Variants in NEDD4L observed in about 807,000 individuals in gnomAD.
NEDD4L encodes the protein NEDD4 like E3 ubiquitin protein ligase.
Under a neutral mutation model 148.9 loss-of-function variants are expected in NEDD4L, and 54 were observed. The ratio of observed to expected loss-of-function variants is 0.36; its 90% CI spans 0.29 to 0.45. The LOEUF is 0.45. Ranked by LOEUF, NEDD4L falls within the 20% of genes least tolerant of loss-of-function variation. The pLI is 1.00. For synonymous variants in NEDD4L, 433 were observed against 440.7 expected, an observed-to-expected ratio of 0.98 and a Z score of 0.22; for missense variants, 856 against 1,233.8, an observed-to-expected ratio of 0.69 and a Z score of 4.59.
intron 1 of NEDD4L, among the ~76,000 whole-genome samples, chr18:58,120,092 T>C (rs1206921228): frequency 6.6e-6 from 1 of 152,248 alleles, no homozygotes; most frequent in African/African-American, 2.4e-5. Context: ...CTCCAGTCTC[T>C]GGATCCCTTC....
At chr18:58,123,304 G>C (rs1360256599) in intron 1 of NEDD4L, among the ~76,000 whole-genome samples, 1 of 152,108 alleles carries the variant, frequency 6.6e-6, no homozygotes, top group Non-Finnish European at 1.5e-5. Context: ...ATCTCGTCCA[G>C]GTTAGCCTCT....
intron 16 of NEDD4L, among the ~76,000 whole-genome samples, chr18:58,343,711 T>C (rs1450448360): frequency 6.6e-6 from 1 of 152,248 alleles, no homozygotes; most frequent in African/African-American, 2.4e-5. Context: ...TCCTGAATTG[T>C]ACCCAAGAAA....
chr18:58,197,104 G>A (rs891962151), intron 2 of NEDD4L, among the ~76,000 whole-genome samples: 2 of 152,172 alleles, frequency 1.3e-5, no homozygotes, highest in African/African-American at 4.8e-5. Context: ...GTGGCATTGG[G>A]TCCCTGGATG....
chr18:58,386,261 C>G (rs2049005655), intron 26 of NEDD4L, among the ~76,000 whole-genome samples: 1 of 152,128 alleles, frequency 6.6e-6, no homozygotes. Context: ...CCATGTTGGC[C>G]AGGATGGTCT....
In NEDD4L at chr18:58,396,213, C is replaced by T; in HGVS notation, c.2872C>T (p.Arg958Ter). 1 of 1,613,592 alleles carries T rather than the reference C, an allele frequency of 6.2e-7. No homozygotes were observed. Among genetic ancestry groups the T allele is most frequent in the Non-Finnish European group, 8.5e-7 (1 of 1,179,656 alleles). ...LPPYETFEDLREKLLMAVENA... is the reference protein window; with the variant it reads ...LPPYETFEDL ...TCCATATGAAACCTTTGAAGATTTA[C>T]GAGAGAAACTTCTCATGGCCGTGGA... is the stretch of plus-strand genomic sequence containing the variant. The change falls in exon 31 of 31, where the codon CGA becomes TGA. Residue 958 changes from arginine to a stop codon, truncating the protein, a stop_gained. Coordinates refer to ENST00000400345, the MANE Select transcript of NEDD4L (RefSeq NM_001144967.3). LOFTEE classifies it high-confidence loss of function.
chr18:58,306,204 A>G (rs1386309612), intron 5 of NEDD4L, among the ~76,000 whole-genome samples: 1 of 151,936 alleles, frequency 6.6e-6, no homozygotes, highest in East Asian at 1.9e-4. Context: ...TCCATGTCCA[A>G]GTCCCCTGGA....
chr18:58,343,109 G>A lies in NEDD4L; in HGVS notation c.1575+6G>A, dbSNP rs936846045. 3 of 1,578,472 alleles carry A rather than the reference G, an allele frequency of 1.9e-6. No homozygotes were observed. The highest frequency in any genetic ancestry group is 3.6e-5 in the Admixed American group (2 of 55,316). ...ACACAAAGACTACAACCTGGGTAAGGCTGCTGCTTTTATTTGGCTCCATTT... is the reference window on the plus strand; with the variant it reads ...ACACAAAGACTACAACCTGGGTAAGACTGCTGCTTTTATTTGGCTCCATTT... On this transcript the variant is annotated splice_donor_region_variant and intron_variant, in intron 16 of 30. Transcript: ENST00000400345.
At chr18:58,157,878 T>C (rs2035714163) in intron 1 of NEDD4L, among the ~76,000 whole-genome samples, 1 of 152,252 alleles carries the variant, frequency 6.6e-6, no homozygotes, top group South Asian at 2.1e-4. Context: ...ATTATTGCAT[T>C]GGGTTTTTCA....
intron 1 of NEDD4L, among the ~76,000 whole-genome samples, chr18:58,104,456 C>A (rs1000866183): frequency 6.6e-6 from 1 of 152,108 alleles, no homozygotes; most frequent in African/African-American, 2.4e-5. Context: ...GTACTAAATG[C>A]GCTTAATTGT....
intron 1 of NEDD4L, among the ~76,000 whole-genome samples, chr18:58,066,410 T>TTTTTTTC: frequency 7.1e-6 from 1 of 140,072 alleles, no homozygotes; most frequent in South Asian, 2.2e-4. Context: ...TTTTTTTTTT[T>TTTTTTTC]AACGGAGTCT....
Position 58,319,702 on chromosome 18 carries a change from T to A in NEDD4L, c.349-2723T>A, listed in dbSNP as rs188858804. Among the ~76,000 whole-genome samples, 11 of 152,336 alleles carry A rather than the reference T, an allele frequency of 7.2e-5. No individual in the cohort carries two copies. The East Asian group carries it at 1.7e-3, about 24-fold the overall frequency. On this transcript the variant is annotated intron_variant, in intron 6 of 30. Transcript: ENST00000400345. ...TGAATGCCAAGAAGAATCTTGTAGT[T>A]ATCTATAAGATCATCTTCTAATTCA...
chr18:58,306,551 C>T (rs76271996), intron 5 of NEDD4L, among the ~76,000 whole-genome samples: 2,785 of 151,956 alleles, frequency 0.018, 81 homozygotes, highest in African/African-American at 0.064. Context: ...ACAGGTTCTG[C>T]ATCATGATGG....
intron 5 of NEDD4L, among the ~76,000 whole-genome samples, chr18:58,313,331 G>A (rs781645566): frequency 2.6e-5 from 4 of 152,188 alleles, no homozygotes; most frequent in Non-Finnish European, 5.9e-5. Flanking sequence ...GGCTTTTGCA[G>A]TACCTCAGGG....
At chr18:58,305,965 A>G (rs1364230442) in intron 5 of NEDD4L, among the ~76,000 whole-genome samples, 4 of 152,146 alleles carry the variant, frequency 2.6e-5, no homozygotes, top group African/African-American at 9.7e-5. Context: ...CTGTTCCTTC[A>G]TTATTTTGTC....
At chr18:58,185,331 TA>T in intron 2 of NEDD4L, among the ~76,000 whole-genome samples, 1 of 152,298 alleles carries the variant, frequency 6.6e-6, no homozygotes, top group South Asian at 2.1e-4. Flanking sequence ...TGAAACACTT[TA>T]AAACTCCCGG....
In NEDD4L at chr18:58,376,714, C is replaced by T. The variant is rs117472012; in HGVS notation, c.2352+3445C>T. Among the ~76,000 whole-genome samples, 1,191 of 152,294 alleles carry T rather than the reference C, an allele frequency of 7.8e-3. 8 individuals are homozygous for T. Among genetic ancestry groups the T allele is most frequent in the Non-Finnish European group, 0.013 (912 of 68,018 alleles). On this transcript the variant is annotated intron_variant, in intron 24 of 30. Coordinates refer to ENST00000400345, the MANE Select transcript of NEDD4L (RefSeq NM_001144967.3). ...GGTCTTTTTGGAATATAAAAATGAG[C>T]ATGTCATTCCTCTGCCAGAAACCTT...
At position 58,248,881 on chromosome 18, in the gene NEDD4L, A is replaced by G; in HGVS notation, c.205-18A>G. 1 of 1,389,258 alleles carries G rather than the reference A, an allele frequency of 7.2e-7. No individual in the cohort carries two copies. The highest frequency in any genetic ancestry group is 1.0e-6 in the Non-Finnish European group (1 of 998,898). The allele number at this position is 1,389,258 out of a possible 1,614,324, so 86.1% of individuals were successfully genotyped here. On this transcript the variant is annotated intron_variant, in intron 3 of 30. Coordinates refer to ENST00000400345, the MANE Select transcript of NEDD4L (RefSeq NM_001144967.3). ...GTTTGAAAGACTAAAAGATACTACAAGATAATTTCTCTTCCAGACACTGAA... is the reference window on the plus strand; with the variant it reads ...GTTTGAAAGACTAAAAGATACTACAGGATAATTTCTCTTCCAGACACTGAA...
chr18:58,109,978 A>G (rs958196977), intron 1 of NEDD4L, among the ~76,000 whole-genome samples: 3 of 152,200 alleles, frequency 2.0e-5, no homozygotes, highest in African/African-American at 7.2e-5. Flanking sequence ...AGTGGAAGGC[A>G]GGGTTGTTGA....
chr18:58,201,687 A>C (rs998768539), intron 2 of NEDD4L, among the ~76,000 whole-genome samples: 10 of 152,184 alleles, frequency 6.6e-5, no homozygotes, highest in African/African-American at 2.2e-4. Flanking sequence ...CCTGCCCCCT[A>C]ATAGGTAACT....
Sources: allele counts gnomAD v4.1 joint callset (sites outside exome capture counted in the v4.1 genomes callset), GRCh38; gene constraint gnomAD v4.1.1; transcripts MANE v1.5; gene names NCBI Gene and HGNC (gene_info 2026-07-23, HGNC 2026-07-21).